The following FBXL7 variants were observed in gnomAD, a reference collection of about 807,000 sequenced individuals.
FBXL7 encodes F-box/LRR-repeat protein 7.
A neutral mutation model predicts 38.3 loss-of-function variants in FBXL7; 12 were observed. The observed-to-expected ratio is 0.31, with a 90% confidence interval of 0.20 to 0.51. The LOEUF (loss-of-function observed/expected upper bound fraction) is 0.51, where lower values mean the gene tolerates loss of function less well. FBXL7 is among the 20% of genes least tolerant of loss of function. The pLI is 0.98. For synonymous variants in FBXL7, 297 were observed against 300.9 expected (o/e 0.99, Z 0.13); for missense variants, 567 against 676.4 (o/e 0.84, Z 1.79).
At chr5:15,625,726 A>G (rs186340251) in intron 2 of FBXL7, among the ~76,000 whole-genome samples, 85 of 152,250 alleles carry the variant, frequency 5.6e-4, no homozygotes, top group African/African-American at 2.0e-3. Flanking sequence ...GAGCCATGGA[A>G]TTTTTCTTTA....
intron 2 of FBXL7, among the ~76,000 whole-genome samples, chr5:15,742,527 C>T (rs1021239960): frequency 8.5e-5 from 13 of 152,124 alleles, no homozygotes; most frequent in Admixed American, 3.9e-4. Context: ...AAGCAATGAG[C>T]GAGCAAGGCT....
At chr5:15,918,953 G>A (rs985000809) in intron 2 of FBXL7, among the ~76,000 whole-genome samples, 25 of 152,196 alleles carry the variant, frequency 1.6e-4, no homozygotes, top group South Asian at 2.1e-4. Context: ...TCTAGGTTGT[G>A]TAGATGATCT....
intron 2 of FBXL7, among the ~76,000 whole-genome samples, chr5:15,821,693 T>G (rs1418224791): frequency 6.6e-6 from 1 of 152,184 alleles, no homozygotes; most frequent in Non-Finnish European, 1.5e-5. Context: ...GCTTACACAT[T>G]TGGAAATCTG....
chr5:15,547,125 G>C (rs1224109909), intron 1 of FBXL7, among the ~76,000 whole-genome samples: 1 of 152,188 alleles, frequency 6.6e-6, no homozygotes. Flanking sequence ...GTGCATTTGA[G>C]GTTGCCCGAG....
At chr5:15,632,868 G>C (rs757366115) in intron 2 of FBXL7, among the ~76,000 whole-genome samples, 7 of 152,076 alleles carry the variant, frequency 4.6e-5, no homozygotes, top group Non-Finnish European at 8.8e-5. Context: ...TATTAGATGG[G>C]GAAGGGAGCA....
intron 2 of FBXL7, among the ~76,000 whole-genome samples, chr5:15,675,649 T>A (rs1435851750): frequency 6.6e-6 from 1 of 152,242 alleles, no homozygotes; most frequent in Non-Finnish European, 1.5e-5. Flanking sequence ...ATCACAGATT[T>A]GTTGGATTAA....
intron 2 of FBXL7, among the ~76,000 whole-genome samples, chr5:15,886,824 TCA>T (rs1157396705): frequency 1.3e-5 from 2 of 152,208 alleles, no homozygotes; most frequent in Non-Finnish European, 2.9e-5. Context: ...TGCCTAAGTC[TCA>T]GACATTTTCC....
chr5:15,668,235 C>G, intron 2 of FBXL7, among the ~76,000 whole-genome samples: 1 of 152,302 alleles, frequency 6.6e-6, no homozygotes, highest in South Asian at 2.1e-4. Flanking sequence ...TTGAACTGTT[C>G]CCTATGTCTG....
chr5:15,531,976 A>G (rs917401413), intron 1 of FBXL7, among the ~76,000 whole-genome samples: 33 of 152,346 alleles, frequency 2.2e-4, no homozygotes, highest in African/African-American at 7.5e-4. Context: ...AAACCATAGT[A>G]TCTTCAGCTA....
chr5:15,506,917 C>T (rs1736664100), intron 1 of FBXL7, among the ~76,000 whole-genome samples: 1 of 150,794 alleles, frequency 6.6e-6, no homozygotes, highest in South Asian at 2.1e-4. Flanking sequence ...TATCATTTTG[C>T]ACAAAGTATA....
intron 2 of FBXL7, among the ~76,000 whole-genome samples, chr5:15,913,365 C>T (rs973980427): frequency 2.0e-5 from 3 of 151,732 alleles, no homozygotes; most frequent in African/African-American, 7.3e-5. Context: ...TGCGCTGCAC[C>T]CACTAACGAT....
At chr5:15,899,169 C>A (rs925383109) in intron 2 of FBXL7, among the ~76,000 whole-genome samples, 1 of 152,110 alleles carries the variant, frequency 6.6e-6, no homozygotes, top group Admixed American at 6.5e-5. Context: ...TGGGTTCAAG[C>A]GATTCTTCTG....
At chr5:15,743,439 T>C (rs1036148804) in intron 2 of FBXL7, among the ~76,000 whole-genome samples, 1 of 152,204 alleles carries the variant, frequency 6.6e-6, no homozygotes, top group African/African-American at 2.4e-5. Flanking sequence ...ATAATCTCCT[T>C]TGACTCCATG....
chr5:15,712,240 A>G (rs1561095758), intron 2 of FBXL7, among the ~76,000 whole-genome samples: 1 of 152,190 alleles, frequency 6.6e-6, no homozygotes, highest in Non-Finnish European at 1.5e-5. Context: ...TATGTGTAAA[A>G]TGAATTAGAA....
intron 2 of FBXL7, among the ~76,000 whole-genome samples, chr5:15,828,046 G>C (rs1738361441): frequency 6.6e-6 from 1 of 152,186 alleles, no homozygotes; most frequent in Non-Finnish European, 1.5e-5. Context: ...AACCATCCAG[G>C]CTTTAGGCAT....
At chr5:15,701,578 C>G (rs1193467363) in intron 2 of FBXL7, among the ~76,000 whole-genome samples, 1 of 151,814 alleles carries the variant, frequency 6.6e-6, no homozygotes, top group Non-Finnish European at 1.5e-5. Flanking sequence ...GGATTAAATA[C>G]CTTAAGAGAA....
Position 15,515,332 on chromosome 5 carries a change from G to A in FBXL7, c.37+14619G>A, listed in dbSNP as rs752227053. ...TTGACCAATAGCACATAGCTAGCTG[G>A]CAAAAGAACAAAAAACAAGCTTACA... is the stretch of plus-strand genomic sequence containing the variant. On this transcript the variant is annotated intron_variant, in intron 1 of 3. Coordinates refer to ENST00000504595, the MANE Select transcript of FBXL7 (RefSeq NM_012304.5). Among the ~76,000 whole-genome samples the A allele has an allele frequency of 4.6e-5, 7 of 152,292 alleles. 1 individual carries two copies. The South Asian group carries it at 1.5e-3, about 32-fold the overall frequency.
chr5:15,558,957 G>A (rs1162453419), intron 1 of FBXL7, among the ~76,000 whole-genome samples: 1 of 152,184 alleles, frequency 6.6e-6, no homozygotes, highest in African/African-American at 2.4e-5. Context: ...TTAACTCGTC[G>A]TGGGTCATGA....
At chr5:15,684,583 A>G (rs1244961938) in intron 2 of FBXL7, among the ~76,000 whole-genome samples, 1 of 152,216 alleles carries the variant, frequency 6.6e-6, no homozygotes. Flanking sequence ...ATCTTGAGAT[A>G]CAGAGATTGG....
Sources: gnomAD v4.1 joint callset for allele counts (sites outside exome capture counted in the v4.1 genomes callset) on GRCh38, gnomAD v4.1.1 for gene constraint, MANE v1.5 for transcripts, NCBI Gene and HGNC (gene_info 2026-07-23, HGNC 2026-07-21) for gene names.